The following KIF12 variants were observed in gnomAD, a reference collection of about 807,000 sequenced individuals.
KIF12 encodes the protein kinesin-like protein KIF12.
KIF12 carries 80 observed loss-of-function variants against 87.9 expected under a neutral mutation model. The ratio of observed to expected loss-of-function variants is 0.91; its 90% CI spans 0.76 to 1.10. The LOEUF is 1.10. Ranked by LOEUF, KIF12 falls within the 50% of genes least tolerant of loss-of-function variation. The pLI, the probability that KIF12 is intolerant of heterozygous loss-of-function variation, is 0.00. For synonymous variants in KIF12, 353 were observed against 348.5 expected (o/e 1.01, Z -0.14); for missense variants, 819 against 865.3 (o/e 0.95, Z 0.67).
Position 114,096,071 on chromosome 9 carries a change from T to C in KIF12, c.875A>G (p.Asn292Ser), listed in dbSNP as rs1315948870. 6 of 1,612,940 alleles carry C rather than the reference T, an allele frequency of 3.7e-6. No individual in the cohort carries two copies. Among genetic ancestry groups the C allele is most frequent in the East Asian group, 4.5e-5 (2 of 44,858 alleles). The change falls in exon 9 of 19, where the codon AAC (asparagine) becomes AGC (serine). Residue 292 changes from asparagine (N) to serine (S), a missense_variant. Transcript: ENST00000640217. ...GELMLEANSI[N>S]RSLLALGHCI... Reference sequence around the variant, plus strand: ...CTCACCCAGGGCCAGCAGGCTTCGGTTGATGCTGTTAGCCTCAAGCATCAG... The same window carrying C: ...CTCACCCAGGGCCAGCAGGCTTCGGCTGATGCTGTTAGCCTCAAGCATCAG...
rs1847028041 is a variant in KIF12 at position 114,092,303 on chromosome 9, T to C, written c.1816+30A>G. ...TCTACCCCAAGATCACAGAGAACAT[T>C]AGGGGCCCCTCCCTCTCTCCCTTCT... On this transcript the variant is annotated intron_variant, in intron 18 of 18. Coordinates refer to ENST00000640217, the MANE Select transcript of KIF12 (RefSeq NM_001388308.1). The C allele has an allele frequency of 2.0e-6, 3 of 1,522,970 alleles. 1 individual carries two copies. The South Asian group carries it at 3.9e-5, about 20-fold the overall frequency. 94.3% of individuals were successfully genotyped at this position (1,522,970 alleles called of 1,614,324 possible).
In KIF12 at chr9:114,092,593, G is replaced by A; in HGVS notation, c.1646C>T (p.Pro549Leu). The change falls in exon 17 of 19, where the codon CCA becomes CTA. Residue 549 changes from proline to leucine, a missense_variant. Pro to Leu is a moderately conservative substitution (Grantham distance 98). Coordinates refer to ENST00000640217, the MANE Select transcript of KIF12 (RefSeq NM_001388308.1). ...SGGRPPSARP[P>L]PWAPPCSPGS... ...AGGGCTGCATGGGGGTGCCCAGGGT[G>A]GGGGCCGGGCAGATGGGGGCCTGCC... 1 of 1,605,380 alleles carries A rather than the reference G, an allele frequency of 6.2e-7. No homozygotes were observed. The highest frequency in any genetic ancestry group is 8.5e-7 in the Non-Finnish European group (1 of 1,177,710).
rs757330739 is a variant in KIF12 at position 114,093,950 on chromosome 9, T to C, written c.1336A>G (p.Asn446Asp). The change falls in exon 14 of 19, where the codon AAT becomes GAT. Residue 446 changes from asparagine to aspartate, a missense_variant. By Grantham distance (23) the Asn-to-Asp change is conservative (BLOSUM62 1). Transcript: ENST00000640217. ...RLRKEKSQLQ[N>D]SRDLAQNEQR... ...TCATTCTGGGCCAGGTCTCGGCTAT[T>C]CTGCAGCTGGCTCTTTTCTTTCCTA... 4 of 1,614,012 alleles carry C rather than the reference T, an allele frequency of 2.5e-6. No homozygotes were observed. Among genetic ancestry groups the C allele is most frequent in the Non-Finnish European group, 3.4e-6 (4 of 1,180,046 alleles).
chr9:114,098,504 A>AGGGGCGGGGCCCCGT, intron 3 of KIF12, 75 bp from the exon 4 acceptor site: 1 of 401,234 alleles, frequency 2.5e-6, no homozygotes. Context: ...GGCACCGTGG[A>AGGGGCGGGGCCCCGT]GGAGGGCGGG....
chr9:114,098,487 G>GGT, intron 3 of KIF12, 58 bp from the exon 4 acceptor site: 1 of 1,304,518 alleles, frequency 7.7e-7, no homozygotes, highest in Non-Finnish European at 9.8e-7. Context: ...GCACCCTGGA[G>GGT]GGGCGGGGCA....
At chr9:114,092,154 C>T in intron 18 of KIF12, 154 bp from the exon 19 acceptor site, 1 of 1,175,246 alleles carries the variant, frequency 8.5e-7, no homozygotes, top group Non-Finnish European at 1.1e-6. Flanking sequence ...CTCCAACATA[C>T]ATCTGGGCAC....
In KIF12 at chr9:114,093,197, C is replaced by T. The variant is rs762659035; in HGVS notation, c.1596+32G>A. The T allele has an allele frequency of 2.8e-5, 43 of 1,516,022 alleles. 1 individual carries two copies. Among genetic ancestry groups the T allele is most frequent in the South Asian group, 1.2e-4 (10 of 83,334 alleles). 93.9% of individuals were successfully genotyped at this position (1,516,022 alleles called of 1,614,324 possible). A position where few individuals can be genotyped will look rare whatever the true frequency, so the allele number is the denominator to read the frequency against. ...GGATCAAGGTCTCCAGTTCTCCCAGCCTTCCCTCACTCCCACCATGGCCTT... is the reference window on the plus strand; with the variant it reads ...GGATCAAGGTCTCCAGTTCTCCCAGTCTTCCCTCACTCCCACCATGGCCTT... On this transcript the variant is annotated intron_variant, in intron 16 of 18. Coordinates refer to ENST00000640217, the MANE Select transcript of KIF12 (RefSeq NM_001388308.1).
At position 114,097,378 on chromosome 9, in the gene KIF12, G is replaced by A; in HGVS notation, c.569C>T (p.Thr190Ile). ...PRPLPVRWNK[T>I]RGFYVEQLRV... ...CAGCTGCTCCACATAGAAGCCCCGA[G>A]TCTTGTTCCAGCGAACAGGGAGGGG... Residue 190 changes from threonine to isoleucine, a missense_variant, in exon 7 of 19, where the codon ACT becomes ATT. Physicochemically the swap from Thr to Ile is moderately conservative, Grantham distance 89. Transcript: ENST00000640217. The A allele has an allele frequency of 6.2e-7, 1 of 1,608,204 alleles. No homozygotes were observed. The highest frequency in any genetic ancestry group is 8.5e-7 in the Non-Finnish European group (1 of 1,178,632).
At chr9:114,092,680 G>T (rs1847044747) in intron 16 of KIF12, 38 bp from the exon 17 acceptor site, 6 of 1,546,190 alleles carry the variant, frequency 3.9e-6, no homozygotes, top group Non-Finnish European at 5.2e-6. Context: ...GGTGACCTCA[G>T]TCCTGCCTCT....
intron 5 of KIF12, 69 bp from the exon 6 acceptor site, chr9:114,097,810 A>AC (rs1847300757): frequency 1.3e-6 from 2 of 1,510,102 alleles, no homozygotes; most frequent in Non-Finnish European, 1.8e-6. Flanking sequence ...CGCATGTATG[A>AC]TACCGTGCGC....
chr9:114,094,580 A>G, intron 11 of KIF12, 125 bp from the exon 12 acceptor site: 1 of 633,000 alleles, frequency 1.6e-6, no homozygotes, highest in Non-Finnish European at 2.8e-6. Context: ...TCAGCCTTGC[A>G]TCTTGGCACA....
At position 114,091,878 on chromosome 9, in the gene KIF12, C is replaced by T. The variant is rs747862031; in HGVS notation, c.1939G>A (p.Val647Ile). The T allele has an allele frequency of 1.0e-5, 16 of 1,604,258 alleles. No individual in the cohort carries two copies. Among genetic ancestry groups the T allele is most frequent in the Non-Finnish European group, 1.4e-5 (16 of 1,173,002 alleles). ...CTTGGCCTTCAATGGGGAGGGAGGA[C>T]TTGGCCTGGGCTCCGTGCGCCCTCA... ...CSEGARSPGQ[V>I]LPPH The change falls in exon 19 of 19, where the codon GTC (valine) becomes ATC (isoleucine). Residue 647 changes from valine to isoleucine, a missense_variant. Val to Ile is a conservative substitution (Grantham distance 29). Coordinates refer to ENST00000640217, the MANE Select transcript of KIF12 (RefSeq NM_001388308.1).
rs149965120 is a variant in KIF12 at position 114,097,186 on chromosome 9, C to T, written c.646+115G>A. ...GTGGTTTACTGGTCCTTCCCCACCT[C>T]CCCCAGGAATCATTTCTGAAGCTGC... On this transcript the variant is annotated intron_variant, in intron 7 of 18. Coordinates refer to ENST00000640217, the MANE Select transcript of KIF12 (RefSeq NM_001388308.1). 2.3e-4 allele frequency: 317 copies of T among 1,362,532 alleles called. No individual in the cohort carries two copies. The African/African-American group carries it at 4.3e-3, about 18-fold the overall frequency. 84.4% of individuals were successfully genotyped at this position (1,362,532 alleles called of 1,614,324 possible). A position where few individuals can be genotyped will look rare whatever the true frequency, so the allele number is the denominator to read the frequency against.
At position 114,094,182 on chromosome 9, in the gene KIF12, TG is replaced by T; in HGVS notation, c.1311del (p.Arg438GlyfsTer28). ...CTCTGGCTGTGGGCTGTGCCCTACC[TG>T]AGCCTCTCATTCTCTAGCATGAACT... ...LQEFMLENER[L>X]RKEKSQLQNS... is the part of the protein sequence containing the mutation. On this transcript the variant is annotated frameshift_variant and splice_region_variant, in exon 13 of 19. Transcript: ENST00000640217. LOFTEE classifies it high-confidence loss of function. 1.2e-6 allele frequency: 2 copies of T among 1,613,154 alleles called. No homozygotes were observed. The highest frequency in any genetic ancestry group is 1.7e-6 in the Non-Finnish European group (2 of 1,179,446).
chr9:114,093,852 A>G (rs2134882937), intron 14 of KIF12, 34 bp downstream of exon 14: 1 of 1,581,648 alleles, frequency 6.3e-7, no homozygotes, highest in African/African-American at 1.3e-5. Context: ...CCCTCTGTCC[A>G]GAGGCCTGGC....
rs750909561 is a variant in KIF12 at position 114,097,400 on chromosome 9, G to A, written c.547C>T (p.Leu183Phe). The A allele has an allele frequency of 1.7e-5, 27 of 1,602,324 alleles. No homozygotes were observed. The highest frequency in any genetic ancestry group is 2.2e-5 in the Non-Finnish European group (26 of 1,176,636). The change falls in exon 7 of 19, where the codon CTC becomes TTC. Residue 183 changes from leucine (L) to phenylalanine (F), a missense_variant. Transcript: ENST00000640217. ...CGAGTCTTGTTCCAGCGAACAGGGA[G>A]GGGCCGGGGAGACCCCAGGCTCAGC... ...DLLSLGSPRP[L>F]PVRWNKTRGF...
intron 7 of KIF12, among the ~76,000 whole-genome samples, chr9:114,096,683 CAGA>C (rs924454248): frequency 2.6e-5 from 4 of 152,120 alleles, no homozygotes; most frequent in African/African-American, 9.7e-5. Context: ...GAAAACTGAG[CAGA>C]AGAATGACAG....
chr9:114,095,190 C>T (rs370270270), intron 10 of KIF12, 24 bp downstream of exon 10: 34 of 1,612,374 alleles, frequency 2.1e-5, no homozygotes, highest in Non-Finnish European at 2.8e-5. Context: ...ACCCAACCTT[C>T]CCTGCCAGGC....
At chr9:114,096,798 C>T (rs184713342) in intron 7 of KIF12, among the ~76,000 whole-genome samples, 11 of 152,244 alleles carry the variant, frequency 7.2e-5, no homozygotes. Context: ...GTGCTGGGGC[C>T]AGAATCCACA....
Sources: allele counts gnomAD v4.1 joint callset (sites outside exome capture counted in the v4.1 genomes callset), GRCh38; gene constraint gnomAD v4.1.1; transcripts MANE v1.5; gene names NCBI Gene and HGNC (gene_info 2026-07-23, HGNC 2026-07-21).